YPEL1: variants seen among roughly 807,000 people sequenced by gnomAD.
YPEL1 encodes the protein protein yippee-like 1.
In YPEL1, 7 loss-of-function variants were observed where a neutral mutation model predicts 17.3. That is an observed-to-expected ratio of 0.40 (90% CI 0.23 to 0.76). The LOEUF (loss-of-function observed/expected upper bound fraction) is 0.76. Ranked by LOEUF, YPEL1 falls within the 30% of genes least tolerant of loss-of-function variation. The pLI is 0.35. For synonymous variants in YPEL1, 59 were observed against 59.6 expected, an observed-to-expected ratio of 0.99 and a Z score of 0.05; for missense variants, 91 against 155.5, an observed-to-expected ratio of 0.59 and a Z score of 2.21.
Position 21,703,721 on chromosome 22 carries a change from GTGGGTTCTTTC to G in YPEL1, c.161+107_161+117del. On this transcript the variant is annotated intron_variant, in intron 3 of 4. Coordinates refer to ENST00000339468, the MANE Select transcript of YPEL1 (RefSeq NM_013313.5). This position sits in a 1 kb window ranked among gnomAD's most constrained non-coding sequence, Gnocchi z 6.1. ...TTCAGAAACTCCCGGCGGGGGGATG[GTGGGTTCTTTC>G]AGGACCCCTAAAGACCCAGGTGATT... 2.7e-6 allele frequency: 3 copies of G among 1,114,200 alleles called. No individual in the cohort carries two copies. Among genetic ancestry groups the G allele is most frequent in the Middle Eastern group, 2.2e-4 (1 of 4,552 alleles). 69.0% of individuals were successfully genotyped at this position (1,114,200 alleles called of 1,614,324 possible).
intron 1 of YPEL1, among the ~76,000 whole-genome samples, chr22:21,715,964 G>A (rs557266554): frequency 6.6e-6 from 1 of 152,268 alleles, no homozygotes; most frequent in Admixed American, 6.5e-5. Flanking sequence ...GTTTCTCCAT[G>A]TTGGTCAGGC....
At position 21,710,921 on chromosome 22, in the gene YPEL1, C is replaced by T. The variant is rs1348062930; in HGVS notation, c.-164-13G>A. On this transcript the variant is annotated splice_polypyrimidine_tract_variant and intron_variant, in intron 1 of 4. Transcript: ENST00000339468. The stretch of plus-strand genomic sequence containing the variant: ...AGAAAAACGTAACCTGCCAACCAAT[C>T]AGACAAAGTGGTGGGTTACAGAGAG... 10 of 647,010 alleles carry T rather than the reference C, an allele frequency of 1.5e-5. No homozygotes were observed. The Admixed American group carries it at 2.4e-4, about 16-fold the overall frequency. The allele number at this position is 647,010 out of a possible 1,614,324, so 40.1% of individuals were successfully genotyped here.
intron 1 of YPEL1, among the ~76,000 whole-genome samples, chr22:21,725,835 GAAA>G (rs67157672): frequency 1.1e-4 from 15 of 140,986 alleles, no homozygotes; most frequent in African/African-American, 3.4e-4. Flanking sequence ...TCTACCAAAG[GAAA>G]AAAAAAAAAA....
At chr22:21,708,992 G>A (rs879880328) in intron 2 of YPEL1, among the ~76,000 whole-genome samples, 2 of 152,132 alleles carry the variant, frequency 1.3e-5, no homozygotes, top group Non-Finnish European at 2.9e-5. Context: ...TTTTAAAACA[G>A]CTCATTGATG....
In YPEL1 at chr22:21,703,268, C is replaced by T; in HGVS notation, c.270+102G>A. The T allele has an allele frequency of 9.9e-7, 1 of 1,013,974 alleles. No individual in the cohort carries two copies. The highest frequency in any genetic ancestry group is 1.4e-5 in the South Asian group (1 of 73,088). The allele number at this position is 1,013,974 out of a possible 1,614,324, so 62.8% of individuals were successfully genotyped here. On this transcript the variant is annotated intron_variant, in intron 4 of 4. Transcript: ENST00000339468. This position sits in a 1 kb window ranked among gnomAD's most constrained non-coding sequence, Gnocchi z 6.1. ...TGAGGAACTGGGGTTTCTGAAAGTG[C>T]TGTGACTGGTACCATGGGCCACACT...
In YPEL1 at chr22:21,735,754, C is replaced by G. The variant is rs894033872; in HGVS notation, c.-304G>C. 5.3e-5 allele frequency: 8 copies of G among 150,830 alleles called. No homozygotes were observed. Among genetic ancestry groups the G allele is most frequent in the Non-Finnish European group, 1.2e-4 (8 of 67,578 alleles). The allele number at this position is 150,830 out of a possible 1,614,324, so 9.3% of individuals were successfully genotyped here. A position where few individuals can be genotyped will look rare whatever the true frequency, so the allele number is the denominator to read the frequency against. On this transcript the variant is annotated 5_prime_UTR_variant, in exon 1 of 5. Transcript: ENST00000339468. ...AACGCCTAGGCAGGGCGCGAGGCAT[C>G]CTCCCGCCGCCGCCCCGCGGGCCGC...
intron 1 of YPEL1, among the ~76,000 whole-genome samples, chr22:21,729,173 T>C (rs149371062): frequency 0.028 from 4,236 of 150,188 alleles, 196 homozygotes; most frequent in African/African-American, 0.099. Flanking sequence ...TAGCCGGGCA[T>C]GGTGGTGCAT....
intron 1 of YPEL1, among the ~76,000 whole-genome samples, chr22:21,721,650 C>A (rs912516553): frequency 1.3e-5 from 2 of 152,186 alleles, no homozygotes; most frequent in African/African-American, 4.8e-5. Context: ...TCTCCAACTC[C>A]TGACCTCAAG....
chr22:21,725,322 C>A (rs1366683498), intron 1 of YPEL1, among the ~76,000 whole-genome samples: 1 of 146,910 alleles, frequency 6.8e-6, no homozygotes, highest in Non-Finnish European at 1.5e-5. Context: ...CGGGTTCATG[C>A]CATTCTCCTG....
chr22:21,712,727 A>T (rs1407398954), intron 1 of YPEL1, among the ~76,000 whole-genome samples: 3 of 148,032 alleles, frequency 2.0e-5, no homozygotes, highest in Non-Finnish European at 4.5e-5. Flanking sequence ...CTACATCTCA[A>T]AAAAAAAAAA....
chr22:21,725,368 C>T (rs139411577), intron 1 of YPEL1, among the ~76,000 whole-genome samples: 3,832 of 151,916 alleles, frequency 0.025, 154 homozygotes, highest in African/African-American at 0.089. Context: ...TACAGGCACC[C>T]GCCACCACAC....
At chr22:21,708,331 C>CTTTT (rs775485136) in intron 2 of YPEL1, among the ~76,000 whole-genome samples, 1,056 of 102,124 alleles carry the variant, frequency 0.01, 36 homozygotes, top group South Asian at 0.015. Flanking sequence ...AGGCTTCTGC[C>CTTTT]TTTTTTTTTT....
intron 1 of YPEL1, among the ~76,000 whole-genome samples, chr22:21,725,266 C>T (rs1230826376): frequency 6.7e-6 from 1 of 148,890 alleles, no homozygotes; most frequent in Non-Finnish European, 1.5e-5. Context: ...GTCGCCCAGG[C>T]TGGAGTGCAG....
intron 1 of YPEL1, among the ~76,000 whole-genome samples, chr22:21,732,071 T>G (rs1396920162): frequency 6.6e-6 from 1 of 152,196 alleles, no homozygotes; most frequent in Non-Finnish European, 1.5e-5. Context: ...TTCTGGGGTG[T>G]GGGCAACAGT....
At position 21,719,999 on chromosome 22, in the gene YPEL1, G is replaced by A. The variant is rs1164220206; in HGVS notation, c.-164-9091C>T. Reference sequence around the variant, plus strand: ...TGCACTCCAGCGTGGGTGACAGAGCGAGACTCCATCTCAAAAAAAAAAAAA... The same window carrying A: ...TGCACTCCAGCGTGGGTGACAGAGCAAGACTCCATCTCAAAAAAAAAAAAA... On this transcript the variant is annotated intron_variant, in intron 1 of 4. Coordinates refer to ENST00000339468, the MANE Select transcript of YPEL1 (RefSeq NM_013313.5). Among the ~76,000 whole-genome samples the A allele has an allele frequency of 8.3e-5, 12 of 144,670 alleles. No homozygotes were observed. In the South Asian group the frequency reaches 8.8e-4, roughly 11 times the overall value. 94.9% of individuals were successfully genotyped at this position (144,670 alleles called of 152,430 possible).
At chr22:21,704,184 C>A (rs1012198433) in intron 2 of YPEL1, 4 of 717,994 alleles carry the variant, frequency 5.6e-6, no homozygotes, top group Admixed American at 2.0e-5. Context: ...TATGTCTGGA[C>A]AACTTTACCT....
Position 21,709,602 on chromosome 22 carries a change from C to A in YPEL1, c.117+1026G>T, listed in dbSNP as rs150686252. On this transcript the variant is annotated intron_variant, in intron 2 of 4. Transcript: ENST00000339468. Reference sequence around the variant, plus strand: ...ACCAGCCTTGGCAACATGGTAAAACCCTGTCTCTACAAGAAAAAATAAAAG... The same window carrying A: ...ACCAGCCTTGGCAACATGGTAAAACACTGTCTCTACAAGAAAAAATAAAAG... Among the ~76,000 whole-genome samples the A allele has an allele frequency of 7.6e-3, 1,156 of 152,108 alleles. 15 individuals carry two copies. Among genetic ancestry groups the A allele is most frequent in the African/African-American group, 0.027 (1,119 of 41,472 alleles).
At chr22:21,723,864 AC>A (rs2068307337) in intron 1 of YPEL1, among the ~76,000 whole-genome samples, 1 of 148,650 alleles carries the variant, frequency 6.7e-6, no homozygotes, top group Non-Finnish European at 1.5e-5. Flanking sequence ...ACAGGGTTTC[AC>A]CATGTTGGCC....
rs990001962 is a variant in YPEL1 at position 21,698,400 on chromosome 22, T to C, written c.*2729A>G. On this transcript the variant is annotated 3_prime_UTR_variant, in exon 5 of 5. Coordinates refer to ENST00000339468, the MANE Select transcript of YPEL1 (RefSeq NM_013313.5). ...TTGCCCAAAACAGAAAAGCTCTAAA[T>C]AGAACTTTAGTATATACAAAAACCA... is the stretch of plus-strand genomic sequence containing the variant. 1.3e-5 allele frequency: 2 copies of C among 152,210 alleles called. No homozygotes were observed. The highest frequency in any genetic ancestry group is 2.9e-5 in the Non-Finnish European group (2 of 68,020). 9.4% of individuals were successfully genotyped at this position (152,210 alleles called of 1,614,324 possible). A position where few individuals can be genotyped will look rare whatever the true frequency, so the allele number is the denominator to read the frequency against.
Sources: allele counts gnomAD v4.1 joint callset (sites outside exome capture counted in the v4.1 genomes callset), GRCh38; gene constraint gnomAD v4.1.1; non-coding constraint Gnocchi (gnomAD v3.1); transcripts MANE v1.5; gene names NCBI Gene and HGNC (gene_info 2026-07-23, HGNC 2026-07-21).